Variants in IL4I1 observed in about 807,000 individuals in gnomAD.
IL4I1 encodes L-amino-acid oxidase.
Under a neutral mutation model 29.7 loss-of-function variants are expected in IL4I1, and 24 were observed. That is an observed-to-expected ratio of 0.81 (90% CI 0.59 to 1.14). The LOEUF is 1.14. IL4I1 is among the 50% of genes most tolerant of loss of function. The pLI is 0.00. For missense variants in IL4I1, 686 were observed against 785.6 expected, an observed-to-expected ratio of 0.87 and a Z score of 1.52; for synonymous variants, 371 against 352.5, an observed-to-expected ratio of 1.05 and a Z score of -0.59.
exon 1 of IL4I1, chr19:49,929,348 A>G (rs2076009154): frequency 6.5e-6 from 1 of 153,914 alleles, no homozygotes; most frequent in Non-Finnish European, 1.4e-5. Flanking sequence ...CTCCGCTCCC[A>G]CCTTCTTTCT....
upstream of IL4I1, among the ~76,000 whole-genome samples, chr19:49,901,038 C>T (rs189013180): frequency 2.5e-4 from 38 of 152,270 alleles, 1 homozygote; most frequent in Admixed American, 1.3e-3. Flanking sequence ...TACGTATATA[C>T]GCATTCTCTT....
At chr19:49,901,040 C>T (rs1397875304), upstream of IL4I1, among the ~76,000 whole-genome samples, 1 of 152,198 alleles carries the variant, frequency 6.6e-6, no homozygotes, top group African/African-American at 2.4e-5. Flanking sequence ...CGTATATACG[C>T]ATTCTCTTCT....
chr19:49,919,364 C>T (rs2075708586), intron 2 of IL4I1, among the ~76,000 whole-genome samples: 1 of 152,188 alleles, frequency 6.6e-6, no homozygotes, highest in Non-Finnish European at 1.5e-5. Flanking sequence ...CACCTGCACA[C>T]AAAAGGCCGC....
chr19:49,896,268 G>A, intron 1 of IL4I1, 86 bp from the exon 2 acceptor site: 1 of 1,421,066 alleles, frequency 7.0e-7, no homozygotes, highest in Non-Finnish European at 9.3e-7. Flanking sequence ...CTGCCCAGCT[G>A]CTAGAGCCGG....
chr19:49,912,698 TACACAAAAA>T (rs2075504711), intron 2 of IL4I1, among the ~76,000 whole-genome samples: 1 of 152,036 alleles, frequency 6.6e-6, no homozygotes, highest in Non-Finnish European at 1.5e-5. Context: ...ATGCTGTCTC[TACACAAAAA>T]ACACAAAAAT....
chr19:49,897,915 G>C (rs575987560), upstream of IL4I1, among the ~76,000 whole-genome samples: 1 of 152,182 alleles, frequency 6.6e-6, no homozygotes, highest in Non-Finnish European at 1.5e-5. Context: ...GCCGGGAGGG[G>C]CTGGGGGGTG....
At chr19:49,909,896 G>T (rs2075419691) in intron 2 of IL4I1, 2 of 1,419,832 alleles carry the variant, frequency 1.4e-6, no homozygotes, top group Non-Finnish European at 2.0e-6. Context: ...TAAAGCAGAG[G>T]AAGTGACATT....
rs780463655 is a variant in IL4I1, at chr19:49,908,368, C to T, written c.-227-4047G>A. 19 of 1,614,070 alleles carry T rather than the reference C, an allele frequency of 1.2e-5. No individual in the cohort carries two copies. The East Asian group carries it at 1.3e-4, about 11-fold the overall frequency. ...CGATCCACTGCAGTGAGTCCATGTG[C>T]GCATTGAGGATCTTGCAGATCTGCT... On this transcript the variant is annotated intron_variant, in intron 2 of 9. Transcript: ENST00000341114.
At chr19:49,918,699 A>T (rs1373713450) in intron 2 of IL4I1, 2 of 152,218 alleles carry the variant, frequency 1.3e-5, no homozygotes, top group Non-Finnish European at 2.9e-5. Context: ...TGATGGATCA[A>T]GCTGTCTTCC....
chr19:49,893,489 G>A (rs1276092093), intron 5 of IL4I1, among the ~76,000 whole-genome samples: 1 of 152,008 alleles, frequency 6.6e-6, no homozygotes, highest in Non-Finnish European at 1.5e-5. Flanking sequence ...GGAGGAACAG[G>A]TTTAGGGGAA....
At chr19:49,924,602 G>A (rs965816169) in intron 2 of IL4I1, among the ~76,000 whole-genome samples, 1 of 152,236 alleles carries the variant, frequency 6.6e-6, no homozygotes, top group African/African-American at 2.4e-5. Context: ...AGGGGAGCTC[G>A]AGGCTGGGGG....
chr19:49,909,560 G>A (rs148698131), intron 2 of IL4I1: 14 of 1,614,044 alleles, frequency 8.7e-6, no homozygotes, highest in African/African-American at 6.7e-5. Context: ...AGTTCCCCCC[G>A]AAGCAAGAGT....
At chr19:49,893,114 A>G (rs745321816) in intron 5 of IL4I1, among the ~76,000 whole-genome samples, 77 of 152,150 alleles carry the variant, frequency 5.1e-4, no homozygotes, top group Non-Finnish European at 8.7e-4. Flanking sequence ...GGAGGGGTGC[A>G]GAAGGGAAGG....
At chr19:49,907,814 G>A (rs1002113969) in intron 2 of IL4I1, 4 of 334,950 alleles carry the variant, frequency 1.2e-5, no homozygotes, top group Non-Finnish European at 2.3e-5. Context: ...GAGATTACAG[G>A]GGTGAGCCAC....
At chr19:49,894,590 T>TG in intron 4 of IL4I1, 121 bp from the exon 5 acceptor site, 1 of 401,046 alleles carries the variant, frequency 2.5e-6, no homozygotes, top group African/African-American at 3.3e-5. Flanking sequence ...AGGCTGGGGG[T>TG]GGGGCTAGAT....
rs903153573 is a variant in IL4I1, at chr19:49,915,005, G to A, written c.-227-10684C>T. ...TCTGCCCACCTTGGCCTCCTAAAGTGCTGTGATTACAGGAGTGAGCCACTG... is the reference window on the plus strand; with the variant it reads ...TCTGCCCACCTTGGCCTCCTAAAGTACTGTGATTACAGGAGTGAGCCACTG... On this transcript the variant is annotated intron_variant, in intron 2 of 9. Coordinates refer to the IL4I1 transcript ENST00000341114. Among the ~76,000 whole-genome samples the A allele has an allele frequency of 4.0e-4, 61 of 152,022 alleles. 2 individuals carry two copies. The highest frequency in any genetic ancestry group is 3.9e-4 in the Admixed American group (6 of 15,256).
chr19:49,912,256 G>A (rs553315998), intron 2 of IL4I1, among the ~76,000 whole-genome samples: 44 of 140,248 alleles, frequency 3.1e-4, no homozygotes, highest in East Asian at 1.8e-3. Context: ...TGCAACCTCC[G>A]CTTCCCGGGT....
At chr19:49,914,726 GTTTTTTTT>G (rs530372497) in intron 2 of IL4I1, among the ~76,000 whole-genome samples, 68 of 56,400 alleles carry the variant, frequency 1.2e-3, no homozygotes, top group African/African-American at 3.1e-3. Context: ...CCAAGTCCCA[GTTTTTTTT>G]TTTTTTTTTT....
intron 2 of IL4I1, among the ~76,000 whole-genome samples, chr19:49,918,217 C>A (rs988405966): frequency 6.6e-6 from 1 of 152,058 alleles, no homozygotes; most frequent in Non-Finnish European, 1.5e-5. Context: ...AGGCATACGC[C>A]GCCATGCCCA....
Sources: gnomAD v4.1 joint callset for allele counts (sites outside exome capture counted in the v4.1 genomes callset) on GRCh38, gnomAD v4.1.1 for gene constraint, MANE v1.5 for transcripts, NCBI Gene and HGNC (gene_info 2026-07-23, HGNC 2026-07-21) for gene names.